Variants in VSNL1 observed in about 807,000 individuals in gnomAD.
VSNL1 encodes the protein visinin like 1.
In VSNL1, 6 loss-of-function variants were observed where a neutral mutation model predicts 20.4. That is an observed-to-expected ratio of 0.29 (90% confidence interval 0.16 to 0.58). The LOEUF is 0.58. Ranked by LOEUF, VSNL1 falls within the 20% of genes least tolerant of loss-of-function variation. The pLI is 0.90. For synonymous variants in VSNL1, 93 were observed against 86.4 expected (o/e 1.08, Z -0.42); for missense variants, 100 against 234.5 (o/e 0.43, Z 3.75).
intron 2 of VSNL1, among the ~76,000 whole-genome samples, chr2:17,604,385 C>T (rs988993501): frequency 2.0e-5 from 3 of 152,232 alleles, no homozygotes; most frequent in Admixed American, 1.3e-4. Flanking sequence ...CGGCAGAGGC[C>T]GACCCCAGCC....
intron 2 of VSNL1, among the ~76,000 whole-genome samples, chr2:17,612,674 G>A (rs1055475227): frequency 1.2e-4 from 19 of 152,174 alleles, no homozygotes; most frequent in Non-Finnish European, 2.4e-4. Context: ...TAAAGGAGGT[G>A]AGACCAACAT....
At chr2:17,622,588 GAA>G (rs1258485611) in intron 2 of VSNL1, among the ~76,000 whole-genome samples, 15 of 125,590 alleles carry the variant, frequency 1.2e-4, no homozygotes, top group African/African-American at 4.4e-4. Context: ...AAGAAAGAAA[GAA>G]AGAAAGAAAG....
chr2:17,606,257 C>T (rs1664941993), intron 2 of VSNL1, among the ~76,000 whole-genome samples: 1 of 152,132 alleles, frequency 6.6e-6, no homozygotes, highest in African/African-American at 2.4e-5. Flanking sequence ...ACATAAACGT[C>T]TGATATGGTT....
At chr2:17,542,342 A>C (rs1325114436) in intron 1 of VSNL1, among the ~76,000 whole-genome samples, 2 of 152,178 alleles carry the variant, frequency 1.3e-5, no homozygotes, top group Non-Finnish European at 2.9e-5. Flanking sequence ...CAGAATGGGC[A>C]TGAGGCAGAA....
intron 2 of VSNL1, among the ~76,000 whole-genome samples, chr2:17,635,230 C>T (rs1213580424): frequency 1.3e-5 from 2 of 152,192 alleles, no homozygotes; most frequent in Admixed American, 6.5e-5. Context: ...AGATGGAACA[C>T]TCAGGGCTCT....
At chr2:17,602,232 C>A (rs1664837625) in intron 2 of VSNL1, among the ~76,000 whole-genome samples, 1 of 152,114 alleles carries the variant, frequency 6.6e-6, no homozygotes, top group South Asian at 2.1e-4. Flanking sequence ...CTTTGGTGTC[C>A]AATTGGAAGG....
At chr2:17,573,051 A>G (rs1263641016) in intron 1 of VSNL1, among the ~76,000 whole-genome samples, 2 of 152,260 alleles carry the variant, frequency 1.3e-5, no homozygotes, top group Non-Finnish European at 2.9e-5. Context: ...ATGACTAGAG[A>G]GGATTAATTA....
At position 17,621,112 on chromosome 2, in the gene VSNL1, A is replaced by G. The variant is rs555666040; in HGVS notation, c.163-28298A>G. On this transcript the variant is annotated intron_variant, in intron 2 of 3. Coordinates refer to ENST00000295156, the MANE Select transcript of VSNL1 (RefSeq NM_003385.5). ...GAACTTGATGAAGGAAAGCTACTTT[A>G]AAAACAATACCTAGCATATCACTTA... 2.0e-5 allele frequency among the ~76,000 whole-genome samples: 3 copies of G among 152,332 alleles called. No homozygotes were observed. The South Asian group carries it at 6.2e-4, about 32-fold the overall frequency.
At chr2:17,547,759 C>T (rs1265798537) in intron 1 of VSNL1, among the ~76,000 whole-genome samples, 1 of 151,950 alleles carries the variant, frequency 6.6e-6, no homozygotes, top group Non-Finnish European at 1.5e-5. Flanking sequence ...CTATATAATG[C>T]CAGCATATAA....
At chr2:17,606,044 A>G (rs1558297655) in intron 2 of VSNL1, among the ~76,000 whole-genome samples, 1 of 152,202 alleles carries the variant, frequency 6.6e-6, no homozygotes, top group Non-Finnish European at 1.5e-5. Context: ...GCCCCATTTT[A>G]CAAATGAGGA....
chr2:17,608,640 C>T (rs775385247), intron 2 of VSNL1, among the ~76,000 whole-genome samples: 2 of 152,162 alleles, frequency 1.3e-5, no homozygotes, highest in Admixed American at 6.5e-5. Context: ...TAGCATTAGA[C>T]ACCTGGAGCA....
At chr2:17,650,373 T>C (rs1572224593) in intron 3 of VSNL1, among the ~76,000 whole-genome samples, 1 of 152,152 alleles carries the variant, frequency 6.6e-6, no homozygotes, top group Non-Finnish European at 1.5e-5. Context: ...CAGATTAACT[T>C]GTTGAGTGGA....
At chr2:17,616,351 G>A (rs890655370) in intron 2 of VSNL1, among the ~76,000 whole-genome samples, 2 of 152,238 alleles carry the variant, frequency 1.3e-5, no homozygotes, top group Non-Finnish European at 2.9e-5. Flanking sequence ...CAGCTCTGTG[G>A]CTCCTGTCGG....
chr2:17,610,646 G>T (rs1447077241), intron 2 of VSNL1, among the ~76,000 whole-genome samples: 2 of 152,098 alleles, frequency 1.3e-5, no homozygotes, highest in Non-Finnish European at 2.9e-5. Flanking sequence ...AAGCACACTG[G>T]CAAGACATTC....
chr2:17,635,721 T>C (rs911737687), intron 2 of VSNL1, among the ~76,000 whole-genome samples: 2 of 152,208 alleles, frequency 1.3e-5, no homozygotes, highest in African/African-American at 4.8e-5. Flanking sequence ...CTTTTTGTAA[T>C]GTCATCTCCA....
At chr2:17,643,084 C>T (rs373952077) in intron 2 of VSNL1, among the ~76,000 whole-genome samples, 1 of 152,114 alleles carries the variant, frequency 6.6e-6, no homozygotes, top group Non-Finnish European at 1.5e-5. Flanking sequence ...TCAGGCTGCA[C>T]CTACCTTTGG....
At chr2:17,598,379 A>G (rs955548332) in intron 2 of VSNL1, among the ~76,000 whole-genome samples, 2 of 152,240 alleles carry the variant, frequency 1.3e-5, no homozygotes, top group African/African-American at 4.8e-5. Context: ...GTGCAAATGA[A>G]AACATTGGTC....
At chr2:17,631,156 T>G (rs886959151) in intron 2 of VSNL1, among the ~76,000 whole-genome samples, 8 of 151,980 alleles carry the variant, frequency 5.3e-5, no homozygotes, top group African/African-American at 1.9e-4. Context: ...GCCATTATAT[T>G]CACAAATTAA....
At chr2:17,578,891 C>T (rs562411048) in intron 1 of VSNL1, among the ~76,000 whole-genome samples, 3 of 152,194 alleles carry the variant, frequency 2.0e-5, no homozygotes, top group Admixed American at 1.3e-4. Context: ...CCTCTCGTAA[C>T]CTTTGGTAAA....
Sources: allele counts gnomAD v4.1 joint callset (sites outside exome capture counted in the v4.1 genomes callset), GRCh38; gene constraint gnomAD v4.1.1; transcripts MANE v1.5; gene names NCBI Gene and HGNC (gene_info 2026-07-23, HGNC 2026-07-21).